The following PTCHD4 variants were observed in gnomAD, a reference collection of about 807,000 sequenced individuals.
PTCHD4 encodes patched domain containing 4.
In PTCHD4, 33 loss-of-function variants were observed where a neutral mutation model predicts 58.1. The observed-to-expected ratio is 0.57, with a 90% CI of 0.43 to 0.76. The LOEUF is 0.76. Ranked by LOEUF, PTCHD4 falls within the 30% of genes least tolerant of loss-of-function variation. The probability of loss-of-function intolerance (pLI) is 0.00; values close to 1 mark genes in which losing one functional copy is unlikely to be tolerated. For missense variants in PTCHD4, 1,058 were observed against 1,027.1 expected (o/e 1.03, Z -0.41); for synonymous variants, 478 against 409.6 (o/e 1.17, Z -2.02).
chr6:48,099,381 C>T (rs1387474847), intron 1 of PTCHD4, among the ~76,000 whole-genome samples: 2 of 152,176 alleles, frequency 1.3e-5, no homozygotes, highest in East Asian at 1.9e-4. Flanking sequence ...TCCTGCCTCA[C>T]AGAAGATACT....
chr6:48,025,974 A>T (rs914348845), intron 3 of PTCHD4, among the ~76,000 whole-genome samples: 1 of 152,162 alleles, frequency 6.6e-6, no homozygotes, highest in Non-Finnish European at 1.5e-5. Context: ...TCCAACAGCA[A>T]TTTGAACATG....
At chr6:47,923,037 T>G (rs1039703372) in intron 4 of PTCHD4, among the ~76,000 whole-genome samples, 1 of 152,200 alleles carries the variant, frequency 6.6e-6, no homozygotes, top group South Asian at 2.1e-4. Flanking sequence ...CAGTTTCCTC[T>G]TGTGCTGATG....
At position 47,863,271 on chromosome 6, in the gene PTCHD4, A is replaced by G. The variant is rs984644836; in HGVS notation, c.*15032T>C. Among the ~76,000 whole-genome samples, 1 of 151,840 alleles carries G rather than the reference A, an allele frequency of 6.6e-6. No homozygotes were observed. The highest frequency in any genetic ancestry group is 1.5e-5 in the Non-Finnish European group (1 of 67,868). Reference sequence around the variant, plus strand: ...TCATACATTTGAAAATTTTATATAAACATAAGATGTGAACATACTGCTAAG... The same window carrying G: ...TCATACATTTGAAAATTTTATATAAGCATAAGATGTGAACATACTGCTAAG... On this transcript the variant is annotated 3_prime_UTR_variant, in exon 5 of 5. Coordinates refer to ENST00000339488, the MANE Select transcript of PTCHD4 (RefSeq NM_001384253.1).
At position 47,863,087 on chromosome 6, in the gene PTCHD4, T is replaced by A. The variant is rs1763470538; in HGVS notation, c.*15216A>T. On this transcript the variant is annotated 3_prime_UTR_variant, in exon 5 of 5. Coordinates refer to ENST00000339488, the MANE Select transcript of PTCHD4 (RefSeq NM_001384253.1). ...CTTCAAATTCTCTGGGCATTCATTG[T>A]ACTTAACTTTTTACTTAAGAGTTGG... Among the ~76,000 whole-genome samples, 1 of 151,930 alleles carries A rather than the reference T, an allele frequency of 6.6e-6. No homozygotes were observed. Among genetic ancestry groups the A allele is most frequent in the Non-Finnish European group, 1.5e-5 (1 of 67,880 alleles).
chr6:47,872,028 CTT>C lies in PTCHD4; in HGVS notation c.*6273_*6274del, dbSNP rs536307160. ...AGATGCAAGAATATGACGGCTTATT[CTT>C]TTTTTTTTTTCCCCAGCTCTATCAG... is the stretch of plus-strand genomic sequence containing the variant. On this transcript the variant is annotated 3_prime_UTR_variant, in exon 5 of 5. Coordinates refer to ENST00000339488, the MANE Select transcript of PTCHD4 (RefSeq NM_001384253.1). Among the ~76,000 whole-genome samples, 1 of 144,356 alleles carries C rather than the reference CTT, an allele frequency of 6.9e-6. No individual in the cohort carries two copies. The highest frequency in any genetic ancestry group is 1.5e-5 in the Non-Finnish European group (1 of 65,194). 94.7% of individuals were successfully genotyped at this position (144,356 alleles called of 152,430 possible). A position where few individuals can be genotyped will look rare whatever the true frequency, so the allele number is the denominator to read the frequency against.
chr6:48,090,516 C>T (rs1380619250), intron 1 of PTCHD4, among the ~76,000 whole-genome samples: 2 of 152,140 alleles, frequency 1.3e-5, no homozygotes, highest in African/African-American at 4.8e-5. Context: ...CTGTCAATAT[C>T]TGTGCCAGGA....
intron 4 of PTCHD4, among the ~76,000 whole-genome samples, chr6:47,941,385 T>C (rs1212942871): frequency 1.3e-5 from 2 of 152,216 alleles, no homozygotes; most frequent in African/African-American, 4.8e-5. Flanking sequence ...CTCAGTCCTT[T>C]ATCCTCTATC....
chr6:48,100,629 A>G (rs1765584776), intron 1 of PTCHD4, among the ~76,000 whole-genome samples: 1 of 152,210 alleles, frequency 6.6e-6, no homozygotes, highest in Non-Finnish European at 1.5e-5. Flanking sequence ...AAGAAGCCTG[A>G]GAAAATGATG....
At position 47,866,055 on chromosome 6, in the gene PTCHD4, A is replaced by G. The variant is rs546423234; in HGVS notation, c.*12248T>C. On this transcript the variant is annotated 3_prime_UTR_variant, in exon 5 of 5. Coordinates refer to ENST00000339488, the MANE Select transcript of PTCHD4 (RefSeq NM_001384253.1). The stretch of plus-strand genomic sequence containing the variant: ...CTCATCTTAAGTGCTATCTTAATGC[A>G]ACACACTCATACCAGGTTTGGCTCT... Among the ~76,000 whole-genome samples, 3 of 151,882 alleles carry G rather than the reference A, an allele frequency of 2.0e-5. No individual in the cohort carries two copies. The highest frequency in any genetic ancestry group is 4.4e-5 in the Non-Finnish European group (3 of 67,862).
At chr6:47,923,502 T>C (rs1561959361) in intron 4 of PTCHD4, among the ~76,000 whole-genome samples, 1 of 152,212 alleles carries the variant, frequency 6.6e-6, no homozygotes. Flanking sequence ...CTTAGACCTC[T>C]GTGTCATTTC....
chr6:48,023,008 G>C (rs528574973), intron 3 of PTCHD4, among the ~76,000 whole-genome samples: 1 of 152,246 alleles, frequency 6.6e-6, no homozygotes, highest in East Asian at 1.9e-4. Context: ...CCTGATGTAG[G>C]AGAGTAGTGA....
intron 3 of PTCHD4, among the ~76,000 whole-genome samples, chr6:48,028,316 A>ACCAACC (rs1264672317): frequency 4.1e-4 from 63 of 152,136 alleles, no homozygotes; most frequent in Admixed American, 1.3e-3. Flanking sequence ...GCTAAGGTTA[A>ACCAACC]AAGTGAGTAA....
intron 3 of PTCHD4, among the ~76,000 whole-genome samples, chr6:48,028,189 C>T (rs183331901): frequency 6.6e-6 from 1 of 152,094 alleles, no homozygotes; most frequent in East Asian, 1.9e-4. Flanking sequence ...GTGATCTGCC[C>T]ACCTCGGCCT....
At chr6:47,967,059 A>G (rs1241473869) in intron 4 of PTCHD4, among the ~76,000 whole-genome samples, 2 of 152,228 alleles carry the variant, frequency 1.3e-5, no homozygotes, top group Admixed American at 1.3e-4. Flanking sequence ...TACTTTGCCC[A>G]GATTCATCAG....
chr6:47,989,150 C>A (rs1212410667), intron 4 of PTCHD4, among the ~76,000 whole-genome samples: 1 of 152,162 alleles, frequency 6.6e-6, no homozygotes. Flanking sequence ...TTTGCCCCTG[C>A]ACTAGAGATT....
rs376691433 is a variant in PTCHD4 at position 48,060,327 on chromosome 6, G to A, written c.417+7903C>T. 1.5e-3 allele frequency among the ~76,000 whole-genome samples: 224 copies of A among 152,316 alleles called. 4 individuals are homozygous for A. In the South Asian group the frequency reaches 0.045, roughly 30 times the overall value. ...ACGGAGCTCAAATTTAAAGGGAAGA[G>A]TAAACTTTGAGGCTGAACCCTTAAC... On this transcript the variant is annotated intron_variant, in intron 3 of 4. Transcript: ENST00000339488.
chr6:48,042,650 A>G (rs545914475), intron 3 of PTCHD4, among the ~76,000 whole-genome samples: 13 of 151,918 alleles, frequency 8.6e-5, no homozygotes, highest in Admixed American at 6.6e-4. Context: ...ATTATTCAAG[A>G]TGCTGTTTGC....
chr6:48,050,377 G>GA (rs1764187815), intron 3 of PTCHD4, among the ~76,000 whole-genome samples: 1 of 151,928 alleles, frequency 6.6e-6, no homozygotes, highest in Non-Finnish European at 1.5e-5. Context: ...AGTTTCCCAT[G>GA]AAAAATATCA....
intron 4 of PTCHD4, among the ~76,000 whole-genome samples, chr6:47,922,882 C>T (rs1765479983): frequency 6.6e-6 from 1 of 152,204 alleles, no homozygotes; most frequent in Non-Finnish European, 1.5e-5. Context: ...CTGCTCAGTC[C>T]TACTGGGATT....
Sources: allele counts gnomAD v4.1 joint callset (sites outside exome capture counted in the v4.1 genomes callset), GRCh38; gene constraint gnomAD v4.1.1; transcripts MANE v1.5; gene names NCBI Gene and HGNC (gene_info 2026-07-23, HGNC 2026-07-21).